Variants in RPS6KA4 observed in about 807,000 individuals in gnomAD.
The protein encoded by RPS6KA4 is ribosomal protein S6 kinase alpha-4.
In RPS6KA4, 38 loss-of-function variants were observed where a neutral mutation model predicts 89.6. That is an observed-to-expected ratio of 0.42 (90% CI 0.33 to 0.56). The LOEUF (loss-of-function observed/expected upper bound fraction) is 0.56. Among genes scored for constraint, RPS6KA4 ranks in the 20% least tolerant of loss-of-function variants. The pLI is 0.07. For missense variants in RPS6KA4, 873 were observed against 1,098.8 expected (o/e 0.79, Z 2.90); for synonymous variants, 495 against 492.8 (o/e 1.00, Z -0.06).
At chr11:64,366,191 A>G (rs1227193768) in intron 9 of RPS6KA4, among the ~76,000 whole-genome samples, 2 of 113,908 alleles carry the variant, frequency 1.8e-5, no homozygotes, top group African/African-American at 4.1e-5. Context: ...TTTTTTTTTG[A>G]GACGGAGTCT....
At chr11:64,366,403 T>C (rs2036887186) in intron 9 of RPS6KA4, among the ~76,000 whole-genome samples, 1 of 152,148 alleles carries the variant, frequency 6.6e-6, no homozygotes, top group South Asian at 2.1e-4. Context: ...TCTCTTGACC[T>C]TGTGGTCCGC....
At position 64,370,582 on chromosome 11, in the gene RPS6KA4, CG is replaced by C. The variant is rs2037036252; in HGVS notation, c.1978del (p.Ala660ProfsTer4). 1 of 1,592,198 alleles carries C rather than the reference CG, an allele frequency of 6.3e-7. No individual in the cohort carries two copies. Among genetic ancestry groups the C allele is most frequent in the African/African-American group, 1.3e-5 (1 of 74,916 alleles). On this transcript the variant is annotated frameshift_variant, in exon 16 of 17. Coordinates refer to ENST00000334205, the MANE Select transcript of RPS6KA4 (RefSeq NM_003942.3). LOFTEE classifies it high-confidence loss of function. This position sits in a 1 kb window ranked among gnomAD's most constrained non-coding sequence, Gnocchi z 4.1. ...LVRGLLTVDP[A>X]KRLKLEGLRG... is the part of the protein sequence containing the mutation. ...CTCCAGGGCTCCTGACCGTGGACCC[CG>C]CCAAGCGGCTGAAGCTCGAGGGACT...
At chr11:64,362,830 C>T (rs560126856) in intron 8 of RPS6KA4, among the ~76,000 whole-genome samples, 45 of 152,308 alleles carry the variant, frequency 3.0e-4, no homozygotes, top group African/African-American at 1.0e-3. Context: ...GCCACCACGA[C>T]TGGCTAATTT....
Position 64,368,458 on chromosome 11 carries a change from T to C in RPS6KA4, c.1201-10T>C, listed in dbSNP as rs912871729. ...GCCGCCTTCGCCTTCGCCTTCGCCT[T>C]CGCCTCCAGGACTCGCCCTTCTTCC... is the stretch of plus-strand genomic sequence containing the variant. On this transcript the variant is annotated splice_polypyrimidine_tract_variant and intron_variant, in intron 10 of 16. Coordinates refer to ENST00000334205, the MANE Select transcript of RPS6KA4 (RefSeq NM_003942.3). The C allele has an allele frequency of 5.8e-6, 9 of 1,548,276 alleles. No individual in the cohort carries two copies. The South Asian group carries it at 7.1e-5, about 12-fold the overall frequency.
intron 8 of RPS6KA4, among the ~76,000 whole-genome samples, chr11:64,362,522 G>C (rs1174650880): frequency 6.6e-6 from 1 of 152,232 alleles, no homozygotes; most frequent in African/African-American, 2.4e-5. Flanking sequence ...ACATGTTAGA[G>C]TGCAGTGCAG....
intron 8 of RPS6KA4, among the ~76,000 whole-genome samples, chr11:64,364,358 A>C (rs929368948): frequency 6.6e-6 from 1 of 151,986 alleles, no homozygotes; most frequent in Non-Finnish European, 1.5e-5. Flanking sequence ...TTTTTTTCTG[A>C]TAAGTTTTGG....
intron 9 of RPS6KA4, among the ~76,000 whole-genome samples, chr11:64,367,079 G>A (rs757583348): frequency 1.8e-4 from 27 of 152,054 alleles, no homozygotes; most frequent in Non-Finnish European, 2.9e-4. Context: ...TTCCAGGTAC[G>A]GATCTGGGTA....
chr11:64,370,648 C>A lies in RPS6KA4; in HGVS notation c.2043C>A (p.Ser681=). Reference sequence around the variant, plus strand: ...GGCTGCAGGACGGCAGCGCGCGCTCCTCGCCCCCGCTCCGGACGCCCGACG... The same window carrying A: ...GGCTGCAGGACGGCAGCGCGCGCTCATCGCCCCCGCTCCGGACGCCCGACG... ...SSWLQDGSAR[S]SPPLRTPDVL... is the part of the protein sequence containing the mutation. The change falls in exon 16 of 17, where the codon TCC becomes TCA. Residue 681 remains serine, a synonymous_variant. Transcript: ENST00000334205. The surrounding 1 kb of genome is among the most constrained non-coding windows in gnomAD (Gnocchi z 4.1). The A allele has an allele frequency of 6.4e-7, 1 of 1,571,292 alleles. No homozygotes were observed. The highest frequency in any genetic ancestry group is 8.6e-7 in the Non-Finnish European group (1 of 1,165,470).
Position 64,371,629 on chromosome 11 carries a change from AT to A in RPS6KA4, c.*154del, listed in dbSNP as rs984427427. On this transcript the variant is annotated 3_prime_UTR_variant, in exon 17 of 17. Coordinates refer to ENST00000334205, the MANE Select transcript of RPS6KA4 (RefSeq NM_003942.3). Reference sequence around the variant, plus strand: ...CCCCACTCCCAGACAGAGCAGAAGTATTTTTATAAGCAGAGAATTTTTTATG... The same window carrying A: ...CCCCACTCCCAGACAGAGCAGAAGTATTTTATAAGCAGAGAATTTTTTATG... The A allele has an allele frequency of 2.4e-5, 13 of 534,168 alleles. No homozygotes were observed. The highest frequency in any genetic ancestry group is 4.3e-5 in the Non-Finnish European group (13 of 302,818). 33.1% of individuals were successfully genotyped at this position (534,168 alleles called of 1,614,324 possible).
chr11:64,368,081 G>T (rs2036931633), intron 9 of RPS6KA4, 51 bp from the exon 10 acceptor site: 5 of 1,595,698 alleles, frequency 3.1e-6, no homozygotes, highest in South Asian at 2.2e-5. Flanking sequence ...CTCCTCACCC[G>T]CACCCCCAAC....
intron 9 of RPS6KA4, among the ~76,000 whole-genome samples, chr11:64,367,274 T>G (rs1004105434): frequency 6.6e-6 from 1 of 151,994 alleles, no homozygotes; most frequent in African/African-American, 2.4e-5. Context: ...GCCTGCCCAA[T>G]AGCTAGGACT....
intron 2 of RPS6KA4, chr11:64,359,909 T>C (rs951173564): frequency 7.0e-6 from 4 of 571,296 alleles, no homozygotes; most frequent in Non-Finnish European, 1.2e-5. Flanking sequence ...CCCCCATGCC[T>C]CGCAGCAGGC....
At position 64,370,177 on chromosome 11, in the gene RPS6KA4, C is replaced by T; in HGVS notation, c.1798-48C>T. On this transcript the variant is annotated intron_variant, in intron 14 of 16. Coordinates refer to ENST00000334205, the MANE Select transcript of RPS6KA4 (RefSeq NM_003942.3). This position sits in a 1 kb window ranked among gnomAD's most constrained non-coding sequence, Gnocchi z 4.1. ...GTTCTGTGGGAGCGGAGGGGTCAGCCTCGGCACCCCAGCCTGGGCCGGCCT... is the reference window on the plus strand; with the variant it reads ...GTTCTGTGGGAGCGGAGGGGTCAGCTTCGGCACCCCAGCCTGGGCCGGCCT... 1 of 1,507,508 alleles carries T rather than the reference C, an allele frequency of 6.6e-7. No individual in the cohort carries two copies. Among genetic ancestry groups the T allele is most frequent in the Non-Finnish European group, 8.8e-7 (1 of 1,132,068 alleles). 93.4% of individuals were successfully genotyped at this position (1,507,508 alleles called of 1,614,324 possible). A position where few individuals can be genotyped will look rare whatever the true frequency, so the allele number is the denominator to read the frequency against.
At chr11:64,369,316 G>GAAA (rs1461783629) in intron 12 of RPS6KA4, 130 bp from the exon 13 acceptor site, 16 of 1,110,492 alleles carry the variant, frequency 1.4e-5, no homozygotes, top group Non-Finnish European at 2.0e-5. Flanking sequence ...AAGAAAGAAA[G>GAAA]AAAAAGGACT....
chr11:64,370,132 C>A lies in RPS6KA4; in HGVS notation c.1798-93C>A. ...ACCACGCGTGGGTCTCAGGAGTGCC[C>A]CTAGTGGGGAGGGTGAGTGGTTCTG... On this transcript the variant is annotated intron_variant, in intron 14 of 16. Coordinates refer to ENST00000334205, the MANE Select transcript of RPS6KA4 (RefSeq NM_003942.3). The surrounding 1 kb of genome is among the most constrained non-coding windows in gnomAD (Gnocchi z 4.1). 7.1e-7 allele frequency: 1 copy of A among 1,413,192 alleles called. No homozygotes were observed. Among genetic ancestry groups the A allele is most frequent in the Non-Finnish European group, 9.5e-7 (1 of 1,056,636 alleles). The allele number at this position is 1,413,192 out of a possible 1,614,324, so 87.5% of individuals were successfully genotyped here.
rs1213918718 is a variant in RPS6KA4 at position 64,359,412 on chromosome 11, G to A, written c.90G>A (p.Val30=). ...CCGGGCACGAGGAGAAGGTGAGCGT[G>A]GAGAACTTCGAGCTGCTCAAGGTGC... The part of the protein sequence containing the change: ...NLTGHEEKVS[V]ENFELLKVLG... Residue 30 remains valine, a synonymous_variant, in exon 2 of 17, where the codon GTG becomes GTA. Coordinates refer to ENST00000334205, the MANE Select transcript of RPS6KA4 (RefSeq NM_003942.3). 6 of 1,613,608 alleles carry A rather than the reference G, an allele frequency of 3.7e-6. No individual in the cohort carries two copies. Among genetic ancestry groups the A allele is most frequent in the Non-Finnish European group, 5.1e-6 (6 of 1,179,836 alleles).
chr11:64,366,128 TA>T (rs1207521386), intron 9 of RPS6KA4, among the ~76,000 whole-genome samples: 2 of 151,712 alleles, frequency 1.3e-5, no homozygotes, highest in African/African-American at 4.8e-5. Flanking sequence ...GCCCTTGGCA[TA>T]GCATGGTACA....
In RPS6KA4 at chr11:64,361,903, G is replaced by A. The variant is rs150496845; in HGVS notation, c.807G>A (p.Ala269=). ...PPFPPRIGPV[A]QDLLQRLLCK... is the part of the protein sequence containing the mutation. ...TCCCCCCTCGGATCGGGCCCGTGGC[G>A]CAGGACCTGCTGCAGCGGCTGCTTT... The change falls in exon 8 of 17, where the codon GCG becomes GCA. Residue 269 remains alanine (A), a synonymous_variant. Coordinates refer to ENST00000334205, the MANE Select transcript of RPS6KA4 (RefSeq NM_003942.3). The surrounding 1 kb of genome is among the most constrained non-coding windows in gnomAD (Gnocchi z 4.7). The A allele has an allele frequency of 1.2e-5, 20 of 1,613,046 alleles. No individual in the cohort carries two copies. The highest frequency in any genetic ancestry group is 1.3e-5 in the African/African-American group (1 of 75,000).
Position 64,371,389 on chromosome 11 carries a change from G to C in RPS6KA4, c.2228G>C (p.Arg743Pro). 1 of 1,611,966 alleles carries C rather than the reference G, an allele frequency of 6.2e-7. No individual in the cohort carries two copies. Among genetic ancestry groups the C allele is most frequent in the Non-Finnish European group, 8.5e-7 (1 of 1,179,544 alleles). The change falls in exon 17 of 17, where the codon CGG becomes CCG. Residue 743 changes from arginine (R) to proline (P), a missense_variant. Coordinates refer to ENST00000334205, the MANE Select transcript of RPS6KA4 (RefSeq NM_003942.3). Reference sequence around the variant, plus strand: ...CTGCGGAGCGCCACCGCCTCCCGCCGGGGCTCCCCTGCACCAGCCAACCCG... The same window carrying C: ...CTGCGGAGCGCCACCGCCTCCCGCCCGGGCTCCCCTGCACCAGCCAACCCG... ...QKLRSATASR[R>P]GSPAPANPGR...
Sources: allele counts gnomAD v4.1 joint callset (sites outside exome capture counted in the v4.1 genomes callset), GRCh38; gene constraint gnomAD v4.1.1; non-coding constraint Gnocchi (gnomAD v3.1); transcripts MANE v1.5; gene names NCBI Gene and HGNC (gene_info 2026-07-23, HGNC 2026-07-21).